Variants in OXCT1 observed in about 807,000 individuals in gnomAD.
OXCT1 encodes succinyl-CoA:3-ketoacid coenzyme A transferase 1, mitochondrial.
OXCT1 carries 27 observed loss-of-function variants against 69.6 expected under a neutral mutation model. The ratio of observed to expected loss-of-function variants is 0.39; its 90% CI spans 0.29 to 0.54. The LOEUF is 0.54. Ranked by LOEUF, OXCT1 falls within the 20% of genes least tolerant of loss-of-function variation. OXCT1 has a pLI of 0.72. For missense variants in OXCT1, 437 were observed against 650.2 expected (o/e 0.67, Z 3.57); for synonymous variants, 202 against 217.8 (o/e 0.93, Z 0.64).
At chr5:41,845,989 A>C (rs567375452) in intron 5 of OXCT1, among the ~76,000 whole-genome samples, 1 of 152,142 alleles carries the variant, frequency 6.6e-6, no homozygotes, top group African/African-American at 2.4e-5. Context: ...GTACTTATAC[A>C]TTTTTATAAC....
At chr5:41,835,020 C>A (rs1313183844) in intron 7 of OXCT1, among the ~76,000 whole-genome samples, 2 of 146,822 alleles carry the variant, frequency 1.4e-5, no homozygotes, top group Non-Finnish European at 3.0e-5. Context: ...TACAAAAGAA[C>A]AATGAAACAA....
At chr5:41,858,295 T>C (rs542039563) in intron 3 of OXCT1, among the ~76,000 whole-genome samples, 6 of 152,288 alleles carry the variant, frequency 3.9e-5, no homozygotes, top group East Asian at 3.9e-4. Flanking sequence ...CAGACATTGA[T>C]GATAAAAAAT....
chr5:41,773,781 T>C (rs1210884263), intron 13 of OXCT1, among the ~76,000 whole-genome samples: 3 of 152,220 alleles, frequency 2.0e-5, no homozygotes, highest in African/African-American at 4.8e-5. Context: ...CTGAATTTCA[T>C]AGGAGACCTT....
At position 41,840,523 on chromosome 5, in the gene OXCT1, G is replaced by A; in HGVS notation, c.672-12C>T. ...TCCTTGCACTTTTCCTACAGGGGTGGAGGAGATAAGAAAGTGGGGGGGAAA... is the reference window on the plus strand; with the variant it reads ...TCCTTGCACTTTTCCTACAGGGGTGAAGGAGATAAGAAAGTGGGGGGGAAA... On this transcript the variant is annotated splice_polypyrimidine_tract_variant and intron_variant, in intron 6 of 16. Coordinates refer to ENST00000196371, the MANE Select transcript of OXCT1 (RefSeq NM_000436.4). The A allele has an allele frequency of 6.2e-7, 1 of 1,602,982 alleles. No homozygotes were observed. Among genetic ancestry groups the A allele is most frequent in the Non-Finnish European group, 8.5e-7 (1 of 1,171,190 alleles).
At chr5:41,846,214 C>G (rs1352580460) in intron 5 of OXCT1, among the ~76,000 whole-genome samples, 1 of 150,526 alleles carries the variant, frequency 6.6e-6, no homozygotes, top group Non-Finnish European at 1.5e-5. Context: ...ATGTGCCATG[C>G]TGGTGTGCTG....
chr5:41,859,891 T>TGTA (rs1381597971), intron 3 of OXCT1, among the ~76,000 whole-genome samples: 5 of 114,214 alleles, frequency 4.4e-5, no homozygotes, highest in African/African-American at 6.0e-5. Flanking sequence ...ATATATGTAA[T>TGTA]ATATATATAT....
intron 13 of OXCT1, among the ~76,000 whole-genome samples, chr5:41,777,136 G>A (rs538116190): frequency 6.6e-6 from 1 of 152,266 alleles, no homozygotes; most frequent in African/African-American, 2.4e-5. Context: ...ACAAAAAAGG[G>A]GCCGGGTGCG....
At chr5:41,839,033 C>T (rs573812221) in intron 7 of OXCT1, among the ~76,000 whole-genome samples, 1 of 152,270 alleles carries the variant, frequency 6.6e-6, no homozygotes, top group South Asian at 2.1e-4. Flanking sequence ...ACCAGGAAAG[C>T]ATTCTGTGAT....
chr5:41,808,161 TC>T (rs1746779906), intron 7 of OXCT1, among the ~76,000 whole-genome samples: 1 of 152,006 alleles, frequency 6.6e-6, no homozygotes, highest in African/African-American at 2.4e-5. Flanking sequence ...AATTTTTCTA[TC>T]AACATAAAAC....
At chr5:41,856,435 A>G (rs1303898225) in intron 3 of OXCT1, among the ~76,000 whole-genome samples, 1 of 152,078 alleles carries the variant, frequency 6.6e-6, no homozygotes, top group Non-Finnish European at 1.5e-5. Flanking sequence ...AACCACTGAC[A>G]TTTCTCCTGA....
intron 15 of OXCT1, among the ~76,000 whole-genome samples, chr5:41,742,149 A>G (rs1005085843): frequency 6.6e-6 from 1 of 152,176 alleles, no homozygotes; most frequent in African/African-American, 2.4e-5. Context: ...TGGCAAATTG[A>G]CATTGCTTTT....
chr5:41,780,276 T>C (rs1745332608), intron 13 of OXCT1, among the ~76,000 whole-genome samples: 1 of 152,204 alleles, frequency 6.6e-6, no homozygotes, highest in Non-Finnish European at 1.5e-5. Flanking sequence ...ATTGACTATT[T>C]GTATTAAAAA....
At chr5:41,740,717 A>T (rs149886206) in intron 15 of OXCT1, among the ~76,000 whole-genome samples, 24 of 152,286 alleles carry the variant, frequency 1.6e-4, no homozygotes, top group African/African-American at 4.8e-4. Context: ...CAGGAGGCTC[A>T]CTTATTTCAA....
intron 15 of OXCT1, 116 bp from the exon 16 acceptor site, chr5:41,739,607 T>C: frequency 1.3e-6 from 1 of 752,564 alleles, no homozygotes; most frequent in Non-Finnish European, 2.3e-6. Flanking sequence ...GGCTCAGGCC[T>C]ATAATCCCAG....
At chr5:41,862,067 C>T (rs1048354937) in intron 2 of OXCT1, among the ~76,000 whole-genome samples, 16 of 152,036 alleles carry the variant, frequency 1.1e-4, no homozygotes, top group African/African-American at 3.6e-4. Flanking sequence ...AAAAATTAGC[C>T]AGGAGTGATG....
intron 7 of OXCT1, among the ~76,000 whole-genome samples, chr5:41,834,489 A>C (rs1007517734): frequency 2.3e-4 from 28 of 124,086 alleles, no homozygotes; most frequent in East Asian, 2.0e-4. Context: ...GAAACCCACA[A>C]AAAAAAAAAA....
At chr5:41,760,930 C>T (rs964369370) in intron 14 of OXCT1, among the ~76,000 whole-genome samples, 9 of 152,060 alleles carry the variant, frequency 5.9e-5, no homozygotes, top group Admixed American at 2.6e-4. Flanking sequence ...CCAGGGGAAG[C>T]AGGTGGGATG....
At chr5:41,776,580 A>G (rs908950845) in intron 13 of OXCT1, among the ~76,000 whole-genome samples, 1 of 152,252 alleles carries the variant, frequency 6.6e-6, no homozygotes, top group East Asian at 1.9e-4. Flanking sequence ...GACTCAGAAA[A>G]CAAGTGAATT....
intron 3 of OXCT1, among the ~76,000 whole-genome samples, chr5:41,854,189 T>G (rs986197183): frequency 1.3e-5 from 2 of 152,034 alleles, no homozygotes; most frequent in Non-Finnish European, 2.9e-5. Context: ...AAAAAAAAAT[T>G]AATCACAAGC....
Sources: gnomAD v4.1 joint callset for allele counts (sites outside exome capture counted in the v4.1 genomes callset) on GRCh38, gnomAD v4.1.1 for gene constraint, MANE v1.5 for transcripts, NCBI Gene and HGNC (gene_info 2026-07-23, HGNC 2026-07-21) for gene names.